The following ADK variants were observed in gnomAD, a reference collection of about 807,000 sequenced individuals.
ADK encodes adenosine kinase.
ADK carries 24 observed loss-of-function variants against 44.7 expected under a neutral mutation model. That is an observed-to-expected ratio of 0.54 (90% CI 0.39 to 0.76). The LOEUF (loss-of-function observed/expected upper bound fraction) is 0.76. ADK is among the 30% of genes least tolerant of loss of function. The pLI is 0.00. For synonymous variants in ADK, 128 were observed against 142.6 expected, an observed-to-expected ratio of 0.90 and a Z score of 0.73; for missense variants, 321 against 425.1, an observed-to-expected ratio of 0.76 and a Z score of 2.15.
At chr10:74,389,271 T>C (rs1179245912) in intron 4 of ADK, among the ~76,000 whole-genome samples, 1 of 152,226 alleles carries the variant, frequency 6.6e-6, no homozygotes, top group Non-Finnish European at 1.5e-5. Flanking sequence ...ATCTCCATCC[T>C]GGAGAATCAA....
chr10:74,304,395 T>C (rs1317550794), intron 3 of ADK, among the ~76,000 whole-genome samples: 1 of 152,214 alleles, frequency 6.6e-6, no homozygotes, highest in Non-Finnish European at 1.5e-5. Context: ...TAGTGCATTA[T>C]ACACGCACAC....
intron 4 of ADK, among the ~76,000 whole-genome samples, chr10:74,357,460 A>ATTT (rs536915870): frequency 7.4e-6 from 1 of 134,594 alleles, no homozygotes; most frequent in Non-Finnish European, 1.6e-5. Context: ...ATACCCAGTG[A>ATTT]TTTTTTTTTT....
rs59709762 is a variant in ADK, at chr10:74,212,107, T to C, written c.140+11269T>C. Among the ~76,000 whole-genome samples the C allele has an allele frequency of 1.5e-3, 236 of 152,350 alleles. 1 individual carries two copies. The highest frequency in any genetic ancestry group is 5.2e-3 in the African/African-American group (217 of 41,588). On this transcript the variant is annotated intron_variant, in intron 2 of 10. Coordinates refer to ENST00000539909, the MANE Select transcript of ADK (RefSeq NM_006721.4). ...TTATGTCATTTCACATATTGAGTGA[T>C]TGGTCCTGAGTTGCTCTGGGGCTTC...
intron 9 of ADK, among the ~76,000 whole-genome samples, chr10:74,664,757 G>A (rs747889120): frequency 4.1e-4 from 62 of 152,108 alleles, no homozygotes; most frequent in Admixed American, 8.5e-4. Context: ...GAAGGATATC[G>A]CTTGAACCTG....
At chr10:74,366,051 T>G (rs983225936) in intron 4 of ADK, among the ~76,000 whole-genome samples, 1 of 152,192 alleles carries the variant, frequency 6.6e-6, no homozygotes, top group Non-Finnish European at 1.5e-5. Flanking sequence ...TACTTTCCCG[T>G]TTTTTATTTG....
chr10:74,700,214 C>G (rs994930296), intron 10 of ADK, among the ~76,000 whole-genome samples: 1 of 152,090 alleles, frequency 6.6e-6, no homozygotes, highest in Non-Finnish European at 1.5e-5. Flanking sequence ...TGAAGAAAAT[C>G]TCTACCAATT....
intron 3 of ADK, among the ~76,000 whole-genome samples, chr10:74,250,604 T>C (rs1401384170): frequency 6.6e-6 from 1 of 152,170 alleles, no homozygotes; most frequent in Admixed American, 6.6e-5. Context: ...TTTACAAAGA[T>C]AGTTGATAGA....
intron 1 of ADK, among the ~76,000 whole-genome samples, chr10:74,163,857 T>G (rs1841965591): frequency 6.6e-6 from 1 of 152,258 alleles, no homozygotes; most frequent in Non-Finnish European, 1.5e-5. Flanking sequence ...AATAGTTTGT[T>G]GTTTTATAGG....
chr10:74,571,761 G>C (rs11492299), intron 7 of ADK, among the ~76,000 whole-genome samples: 42 of 152,028 alleles, frequency 2.8e-4, no homozygotes, highest in East Asian at 3.9e-4. Flanking sequence ...ATTTTTTGAA[G>C]GGTTTTTTGT....
chr10:74,692,475 G>A (rs1259833431), intron 10 of ADK, among the ~76,000 whole-genome samples: 2 of 151,960 alleles, frequency 1.3e-5, no homozygotes, highest in Non-Finnish European at 2.9e-5. Flanking sequence ...GCAAAACTCT[G>A]TCTCAAAAAT....
chr10:74,347,106 CAAAAAAAAAAAAAAA>C (rs58074760), intron 4 of ADK, among the ~76,000 whole-genome samples: 18 of 92,296 alleles, frequency 2.0e-4, no homozygotes, highest in East Asian at 9.1e-4. Context: ...CACTCTGTCT[CAAAAAAAAAAAAAAA>C]AAAAAAAAAA....
intron 7 of ADK, among the ~76,000 whole-genome samples, chr10:74,551,920 C>T (rs956061118): frequency 3.3e-5 from 5 of 152,146 alleles, no homozygotes; most frequent in African/African-American, 1.2e-4. Flanking sequence ...TATGCATATA[C>T]TCCCATGTAC....
chr10:74,336,064 A>T (rs1841399854), intron 4 of ADK, among the ~76,000 whole-genome samples: 1 of 152,176 alleles, frequency 6.6e-6, no homozygotes, highest in Non-Finnish European at 1.5e-5. Context: ...TTTGTGTCAT[A>T]TAAGAACTCT....
At chr10:74,265,724 A>G (rs2132389228) in intron 3 of ADK, among the ~76,000 whole-genome samples, 1 of 152,328 alleles carries the variant, frequency 6.6e-6, no homozygotes, top group Middle Eastern at 3.4e-3. Flanking sequence ...TTGAGATATA[A>G]CTGATTCATT....
chr10:74,417,570 T>G (rs1341159601), intron 6 of ADK, among the ~76,000 whole-genome samples: 6 of 152,142 alleles, frequency 3.9e-5, no homozygotes, highest in Admixed American at 6.6e-5. Flanking sequence ...TCTTGGGTAT[T>G]TTAAATTATC....
intron 6 of ADK, among the ~76,000 whole-genome samples, chr10:74,494,583 A>G (rs1847611666): frequency 6.6e-6 from 1 of 152,162 alleles, no homozygotes; most frequent in Non-Finnish European, 1.5e-5. Context: ...GTGCATAGTT[A>G]AAAATGTGAG....
At chr10:74,299,515 AATATAT>A (rs376663637) in intron 3 of ADK, among the ~76,000 whole-genome samples, 1 of 140,532 alleles carries the variant, frequency 7.1e-6, no homozygotes, top group Admixed American at 7.3e-5. Context: ...AAAAAAAAGA[AATATAT>A]ATATATATAT....
chr10:74,547,485 T>TA (rs1554879428), intron 7 of ADK, among the ~76,000 whole-genome samples: 1 of 48,612 alleles, frequency 2.1e-5, no homozygotes, highest in African/African-American at 3.8e-5. Flanking sequence ...TATTTTATTA[T>TA]TTTTTTTTTT....
chr10:74,410,088 T>C (rs960060152), intron 6 of ADK, among the ~76,000 whole-genome samples: 1 of 152,188 alleles, frequency 6.6e-6, no homozygotes, highest in African/African-American at 2.4e-5. Context: ...TAATGTGGTT[T>C]GTGTCCATTG....
Sources: allele counts gnomAD v4.1 joint callset (sites outside exome capture counted in the v4.1 genomes callset), GRCh38; gene constraint gnomAD v4.1.1; transcripts MANE v1.5; gene names NCBI Gene and HGNC (gene_info 2026-07-23, HGNC 2026-07-21).